AKT3: variants seen among roughly 807,000 people sequenced by gnomAD.
AKT3 encodes AKT serine/threonine kinase 3.
A neutral mutation model predicts 65.3 loss-of-function variants in AKT3; 15 were observed. The ratio of observed to expected loss-of-function variants is 0.23; its 90% confidence interval spans 0.15 to 0.35. The LOEUF (loss-of-function observed/expected upper bound fraction) is 0.35. AKT3 is among the 10% of genes least tolerant of loss of function. The pLI is 1.00. For missense variants in AKT3, 243 were observed against 576.5 expected, an observed-to-expected ratio of 0.42 and a Z score of 5.92; for synonymous variants, 206 against 183.8, an observed-to-expected ratio of 1.12 and a Z score of -0.98.
At chr1:243,636,362 C>T (rs1679972708) in intron 6 of AKT3, among the ~76,000 whole-genome samples, 1 of 151,862 alleles carries the variant, frequency 6.6e-6, no homozygotes, top group South Asian at 2.1e-4. Context: ...CTACTATTAG[C>T]CCCACTCTGT....
Position 243,726,124 on chromosome 1 carries a change from T to C in AKT3, c.47-30408A>G, listed in dbSNP as rs532842483. ...ACTCATCTTTTCAAATCTGTTTTAA[T>C]TATTCTGTTGCTGGGCATTTTAACA... On this transcript the variant is annotated intron_variant, in intron 2 of 13. Transcript: ENST00000673466. Among the ~76,000 whole-genome samples, 5 of 152,360 alleles carry C rather than the reference T, an allele frequency of 3.3e-5. No homozygotes were observed. In the East Asian group the frequency reaches 9.6e-4, roughly 29 times the overall value.
intron 2 of AKT3, among the ~76,000 whole-genome samples, chr1:243,709,032 T>C (rs765869810): frequency 6.6e-6 from 1 of 151,874 alleles, no homozygotes; most frequent in Non-Finnish European, 1.5e-5. Flanking sequence ...GTACACTGGG[T>C]GTTTTATTCC....
intron 2 of AKT3, among the ~76,000 whole-genome samples, chr1:243,755,170 G>A (rs1352742922): frequency 6.6e-6 from 1 of 151,906 alleles, no homozygotes; most frequent in Non-Finnish European, 1.5e-5. Flanking sequence ...CTGGGTTCAA[G>A]CAATTCTCAT....
In AKT3 at chr1:243,594,360, CT is replaced by C. The variant is rs573327110; in HGVS notation, c.696+19310del. On this transcript the variant is annotated intron_variant, in intron 8 of 13. Transcript: ENST00000673466. ...CAATCATAATCAAAGTTACAGCAGACTTTTTTGTAAAAATTGACATGATAAT... is the reference window on the plus strand; with the variant it reads ...CAATCATAATCAAAGTTACAGCAGACTTTTTGTAAAAATTGACATGATAAT... Among the ~76,000 whole-genome samples the C allele has an allele frequency of 2.6e-5, 4 of 152,200 alleles. No individual in the cohort carries two copies. The South Asian group carries it at 8.3e-4, about 32-fold the overall frequency.
intron 6 of AKT3, among the ~76,000 whole-genome samples, chr1:243,620,905 G>A (rs12037013): frequency 0.13 from 19,786 of 151,856 alleles, 1,456 homozygotes; most frequent in East Asian, 0.23. Context: ...TCTCTCATAC[G>A]CGGTATTGGG....
chr1:243,684,304 C>A lies in AKT3; in HGVS notation c.172+11287G>T, dbSNP rs531753852. Among the ~76,000 whole-genome samples the A allele has an allele frequency of 2.6e-5, 4 of 152,164 alleles. No individual in the cohort carries two copies. In the East Asian group the frequency reaches 7.7e-4, roughly 29 times the overall value. On this transcript the variant is annotated intron_variant, in intron 3 of 13. Coordinates refer to ENST00000673466, the MANE Select transcript of AKT3 (RefSeq NM_005465.7). Reference sequence around the variant, plus strand: ...GTATTTCTCCTAATGCTATCCCTCCCCTAGCCCCCAATCTCTCAACATGCC... The same window carrying A: ...GTATTTCTCCTAATGCTATCCCTCCACTAGCCCCCAATCTCTCAACATGCC...
chr1:243,585,843 G>C (rs1366575957), intron 8 of AKT3, among the ~76,000 whole-genome samples: 1 of 152,060 alleles, frequency 6.6e-6, no homozygotes, highest in Non-Finnish European at 1.5e-5. Context: ...AAAATTATAT[G>C]ACTAAGTCCT....
At chr1:243,752,550 C>T (rs1688872303) in intron 2 of AKT3, among the ~76,000 whole-genome samples, 1 of 152,182 alleles carries the variant, frequency 6.6e-6, no homozygotes, top group Admixed American at 6.5e-5. Flanking sequence ...ATTTAATTTT[C>T]TAAAACAACC....
chr1:243,645,548 G>C (rs554656783), intron 5 of AKT3, among the ~76,000 whole-genome samples: 1 of 152,112 alleles, frequency 6.6e-6, no homozygotes, highest in East Asian at 1.9e-4. Context: ...TACGAAATGC[G>C]AAATGGAAAA....
chr1:243,777,549 C>T (rs904768595), intron 2 of AKT3, among the ~76,000 whole-genome samples: 1 of 152,162 alleles, frequency 6.6e-6, no homozygotes, highest in African/African-American at 2.4e-5. Flanking sequence ...GTGGAAGTAA[C>T]ATATAAGTTG....
In AKT3 at chr1:243,499,884, G is replaced by C; in HGVS notation, c.*5365C>G. Reference sequence around the variant, plus strand: ...CACAACGCACCACGACCTTCCCAGGGTGACACCGCCTCAGCCTGCAGTGGG... The same window carrying C: ...CACAACGCACCACGACCTTCCCAGGCTGACACCGCCTCAGCCTGCAGTGGG... On this transcript the variant is annotated 3_prime_UTR_variant, in exon 14 of 14. Coordinates refer to ENST00000673466, the MANE Select transcript of AKT3 (RefSeq NM_005465.7). The C allele has an allele frequency of 8.6e-7, 1 of 1,161,134 alleles. No individual in the cohort carries two copies. The highest frequency in any genetic ancestry group is 1.3e-6 in the Non-Finnish European group (1 of 786,156). 71.9% of individuals were successfully genotyped at this position (1,161,134 alleles called of 1,614,324 possible). A position where few individuals can be genotyped will look rare whatever the true frequency, so the allele number is the denominator to read the frequency against.
intron 6 of AKT3, among the ~76,000 whole-genome samples, chr1:243,616,653 A>T (rs1198585454): frequency 6.6e-6 from 1 of 152,204 alleles, no homozygotes; most frequent in Non-Finnish European, 1.5e-5. Flanking sequence ...ATTAGATGGA[A>T]GAAAGACATG....
intron 4 of AKT3, among the ~76,000 whole-genome samples, chr1:243,659,950 T>C (rs965257250): frequency 3.1e-4 from 47 of 152,248 alleles, no homozygotes; most frequent in African/African-American, 9.6e-4. Flanking sequence ...TCTTTTTTGG[T>C]TGTGTCTCTG....
chr1:243,719,831 TG>T (rs1686762500), intron 2 of AKT3, among the ~76,000 whole-genome samples: 1 of 152,174 alleles, frequency 6.6e-6, no homozygotes, highest in Admixed American at 6.5e-5. Context: ...CTCAGTCGTA[TG>T]GCCACACCTA....
intron 12 of AKT3, among the ~76,000 whole-genome samples, chr1:243,520,017 ATTTAC>A (rs1168196166): frequency 1.3e-5 from 2 of 152,160 alleles, no homozygotes; most frequent in Non-Finnish European, 2.9e-5. Context: ...GTCCCCTCAT[ATTTAC>A]TTTAAACAAC....
rs537885456 is a variant in AKT3 at position 243,627,908 on chromosome 1, C to G, written c.561+9703G>C. Among the ~76,000 whole-genome samples the G allele has an allele frequency of 2.0e-5, 3 of 152,350 alleles. 1 individual carries two copies. The highest frequency in any genetic ancestry group is 2.0e-4 in the Admixed American group (3 of 15,300). On this transcript the variant is annotated intron_variant, in intron 6 of 13. Coordinates refer to ENST00000673466, the MANE Select transcript of AKT3 (RefSeq NM_005465.7). The stretch of plus-strand genomic sequence containing the variant: ...CACATATGAATGGAAACCTAAACAA[C>G]AGCAGGCTATTATCTAAGTTGCAGT...
At chr1:243,536,347 T>G (rs1469689529) in intron 12 of AKT3, among the ~76,000 whole-genome samples, 1 of 152,230 alleles carries the variant, frequency 6.6e-6, no homozygotes, top group Non-Finnish European at 1.5e-5. Context: ...TCTAGAATTT[T>G]TTATGGTTTC....
intron 6 of AKT3, among the ~76,000 whole-genome samples, chr1:243,617,752 C>G (rs959804641): frequency 6.6e-6 from 1 of 151,950 alleles, no homozygotes; most frequent in African/African-American, 2.4e-5. Flanking sequence ...TAAGAAGGAT[C>G]AATTAGGAAA....
intron 12 of AKT3, among the ~76,000 whole-genome samples, chr1:243,525,291 C>G (rs1396649403): frequency 6.6e-6 from 1 of 152,090 alleles, no homozygotes; most frequent in Non-Finnish European, 1.5e-5. Flanking sequence ...GTATTCTTTG[C>G]TGCAACCTAA....
Sources: allele counts gnomAD v4.1 joint callset (sites outside exome capture counted in the v4.1 genomes callset), GRCh38; gene constraint gnomAD v4.1.1; transcripts MANE v1.5; gene names NCBI Gene and HGNC (gene_info 2026-07-23, HGNC 2026-07-21).